EMP2: variants seen among roughly 807,000 people sequenced by gnomAD.
EMP2 encodes epithelial membrane protein 2.
In EMP2, 19 loss-of-function variants were observed where a neutral mutation model predicts 13.7. The observed-to-expected ratio is 1.38, with a 90% confidence interval of 0.97 to 2.03. The LOEUF (loss-of-function observed/expected upper bound fraction) is 2.03. Among genes scored for constraint, EMP2 ranks in the 30% most tolerant of loss-of-function variants. EMP2 has a pLI of 0.00. For missense variants in EMP2, 253 were observed against 220.7 expected, an observed-to-expected ratio of 1.15 and a Z score of -0.93; for synonymous variants, 97 against 84.7, an observed-to-expected ratio of 1.15 and a Z score of -0.80.
chr16:10,555,002 CT>C (rs1288454079), intron 1 of EMP2, among the ~76,000 whole-genome samples: 3 of 152,180 alleles, frequency 2.0e-5, no homozygotes, highest in Non-Finnish European at 4.4e-5. Context: ...GTCTCTCCCC[CT>C]CTGACAGCTA....
Position 10,537,830 on chromosome 16 carries a change from T to G in EMP2, c.316+98A>C, listed in dbSNP as rs1244670703. On this transcript the variant is annotated intron_variant, in intron 4 of 4. Coordinates refer to ENST00000359543, the MANE Select transcript of EMP2 (RefSeq NM_001424.6). ...ACCGCGCGGCTGCCAATTTCTCCTTTCCAAATTCTCCCTCCTCCTGGCTTC... is the reference window on the plus strand; with the variant it reads ...ACCGCGCGGCTGCCAATTTCTCCTTGCCAAATTCTCCCTCCTCCTGGCTTC... 2.0e-6 allele frequency: 3 copies of G among 1,528,782 alleles called. No individual in the cohort carries two copies. In the Admixed American group the frequency reaches 5.5e-5, roughly 28 times the overall value. 94.7% of individuals were successfully genotyped at this position (1,528,782 alleles called of 1,614,324 possible).
At chr16:10,575,293 G>T (rs535911078) in intron 1 of EMP2, among the ~76,000 whole-genome samples, 2 of 103,532 alleles carry the variant, frequency 1.9e-5, no homozygotes, top group East Asian at 3.5e-4. Flanking sequence ...TCGCTCCGTC[G>T]CCCAGGCTGG....
chr16:10,537,058 T>G (rs2050652576), intron 4 of EMP2, among the ~76,000 whole-genome samples: 1 of 151,978 alleles, frequency 6.6e-6, no homozygotes, highest in Non-Finnish European at 1.5e-5. Flanking sequence ...GAGGTGGTAG[T>G]TAGAGTGGTT....
intron 4 of EMP2, among the ~76,000 whole-genome samples, chr16:10,536,534 T>C (rs1280604407): frequency 6.6e-6 from 1 of 152,172 alleles, no homozygotes; most frequent in East Asian, 1.9e-4. Flanking sequence ...GTAAGCCCTT[T>C]TGTTCTTCCT....
chr16:10,538,309 G>A (rs547249343), intron 3 of EMP2, among the ~76,000 whole-genome samples: 6 of 152,276 alleles, frequency 3.9e-5, no homozygotes, highest in South Asian at 4.1e-4. Context: ...TCTGGAAGAC[G>A]AGGCAAGAAC....
chr16:10,540,420 G>A (rs2050685551), intron 3 of EMP2, among the ~76,000 whole-genome samples: 1 of 151,966 alleles, frequency 6.6e-6, no homozygotes, highest in Non-Finnish European at 1.5e-5. Context: ...GCAGGAGGAT[G>A]GCTTGAACCC....
At chr16:10,538,111 T>C in intron 3 of EMP2, 37 bp from the exon 4 acceptor site, 1 of 1,607,142 alleles carries the variant, frequency 6.2e-7, no homozygotes, top group Non-Finnish European at 8.5e-7. Flanking sequence ...ACTGAGGACC[T>C]TGGCCAGCCG....
At chr16:10,543,138 GC>G (rs2050713579) in intron 3 of EMP2, among the ~76,000 whole-genome samples, 1 of 152,218 alleles carries the variant, frequency 6.6e-6, no homozygotes. Context: ...GAGCCACTGA[GC>G]CCCGCCAGAT....
chr16:10,534,812 T>C (rs752392915), intron 4 of EMP2, among the ~76,000 whole-genome samples: 25 of 152,248 alleles, frequency 1.6e-4, no homozygotes, highest in Admixed American at 5.2e-4. Flanking sequence ...TTACAGACAT[T>C]AGAGCTAAGA....
intron 2 of EMP2, among the ~76,000 whole-genome samples, chr16:10,543,928 T>A (rs1268248556): frequency 1.3e-5 from 2 of 152,146 alleles, no homozygotes; most frequent in Non-Finnish European, 2.9e-5. Flanking sequence ...GGCACAGTCT[T>A]GGCTCACTGC....
chr16:10,534,655 A>G (rs1329167294), intron 4 of EMP2, among the ~76,000 whole-genome samples: 1 of 152,200 alleles, frequency 6.6e-6, no homozygotes, highest in Non-Finnish European at 1.5e-5. Flanking sequence ...AGTCCCAGCT[A>G]CTTGGGAGGC....
intron 2 of EMP2, chr16:10,545,399 CAGG>C (rs2050732004): frequency 6.6e-6 from 1 of 152,228 alleles, no homozygotes; most frequent in African/African-American, 2.4e-5. Flanking sequence ...GGCCACGCAG[CAGG>C]AGGTGAGCAG....
At chr16:10,548,705 A>T (rs2050758947) in intron 1 of EMP2, among the ~76,000 whole-genome samples, 1 of 152,088 alleles carries the variant, frequency 6.6e-6, no homozygotes, top group South Asian at 2.1e-4. Flanking sequence ...AAGAAATAAA[A>T]ATAAAAATAA....
intron 1 of EMP2, among the ~76,000 whole-genome samples, chr16:10,571,507 G>C (rs751123366): frequency 6.6e-6 from 1 of 152,154 alleles, no homozygotes; most frequent in South Asian, 2.1e-4. Flanking sequence ...AGATTCGGAA[G>C]GTCAGTCAGC....
intron 1 of EMP2, among the ~76,000 whole-genome samples, chr16:10,563,462 G>T (rs2050886564): frequency 6.6e-6 from 1 of 152,204 alleles, no homozygotes; most frequent in Non-Finnish European, 1.5e-5. Flanking sequence ...AAAGTGCTGG[G>T]ATTATAGGCA....
chr16:10,547,528 A>G lies in EMP2; in HGVS notation c.78+12T>C, dbSNP rs779076354. 6.2e-7 allele frequency: 1 copy of G among 1,613,864 alleles called. No individual in the cohort carries two copies. Among genetic ancestry groups the G allele is most frequent in the South Asian group, 1.1e-5 (1 of 91,022 alleles). The stretch of plus-strand genomic sequence containing the variant: ...CCAGGTTTCTGCGTGAGTGGCAGGA[A>G]AGGAAACTTACATTGTCGACGGTGG... On this transcript the variant is annotated intron_variant, in intron 2 of 4. Coordinates refer to ENST00000359543, the MANE Select transcript of EMP2 (RefSeq NM_001424.6).
At chr16:10,573,930 CTTTTTTTTTTTT>C (rs371646297) in intron 1 of EMP2, among the ~76,000 whole-genome samples, 5 of 83,206 alleles carry the variant, frequency 6.0e-5, no homozygotes, top group Non-Finnish European at 1.1e-4. Flanking sequence ...ATGGATAAAC[CTTTTTTTTTTTT>C]TTTTTTTTTT....
intron 1 of EMP2, among the ~76,000 whole-genome samples, chr16:10,554,311 C>T (rs1278554644): frequency 2.0e-5 from 3 of 152,342 alleles, no homozygotes; most frequent in Middle Eastern, 6.8e-3. Context: ...GGATTACAGG[C>T]GTGAGCCACC....
intron 4 of EMP2, among the ~76,000 whole-genome samples, chr16:10,536,938 C>CA (rs1354061494): frequency 6.6e-6 from 1 of 152,154 alleles, no homozygotes; most frequent in Non-Finnish European, 1.5e-5. Flanking sequence ...TGGTCCCAGG[C>CA]AAACTAGAAC....
Sources: gnomAD v4.1 joint callset for allele counts (sites outside exome capture counted in the v4.1 genomes callset) on GRCh38, gnomAD v4.1.1 for gene constraint, MANE v1.5 for transcripts, NCBI Gene and HGNC (gene_info 2026-07-23, HGNC 2026-07-21) for gene names.